Variants in OR51B5 observed in about 807,000 individuals in gnomAD.
The protein encoded by OR51B5 is olfactory receptor 51B5.
For synonymous variants in OR51B5, 186 were observed against 144.8 expected (o/e 1.28, Z -2.04); for missense variants, 456 against 374.6 (o/e 1.22, Z -1.79).
chr11:5,473,299 G>C (rs531753240), intron 1 of OR51B5, among the ~76,000 whole-genome samples: 1 of 152,274 alleles, frequency 6.6e-6, no homozygotes, highest in South Asian at 2.1e-4. Flanking sequence ...TGACTTTTAA[G>C]AAACTAATGT....
chr11:5,345,178 C>T (rs1245179284), upstream of OR51B5, among the ~76,000 whole-genome samples: 2 of 152,072 alleles, frequency 1.3e-5, no homozygotes, highest in African/African-American at 4.8e-5. Context: ...GACATTAGGA[C>T]ACTTTGAAAA....
At chr11:5,345,409 T>G (rs1471470231), upstream of OR51B5, among the ~76,000 whole-genome samples, 4 of 152,046 alleles carry the variant, frequency 2.6e-5, no homozygotes, top group African/African-American at 9.7e-5. Flanking sequence ...GACAGATGCA[T>G]TTTTGAAGTA....
intron 1 of OR51B5, among the ~76,000 whole-genome samples, chr11:5,484,740 A>C (rs1851476201): frequency 6.6e-6 from 1 of 152,240 alleles, no homozygotes; most frequent in Non-Finnish European, 1.5e-5. Flanking sequence ...GCCAGGAAGT[A>C]GCAAACCTGG....
At chr11:5,414,197 A>G (rs926441030) in intron 1 of OR51B5, among the ~76,000 whole-genome samples, 1 of 151,928 alleles carries the variant, frequency 6.6e-6, no homozygotes, top group South Asian at 2.1e-4. Context: ...TCATAAGTGA[A>G]GGAGAAATAA....
intron 1 of OR51B5, among the ~76,000 whole-genome samples, chr11:5,468,123 A>G (rs1851165443): frequency 1.3e-5 from 2 of 152,204 alleles, no homozygotes; most frequent in South Asian, 4.1e-4. Flanking sequence ...AGGTAACATA[A>G]TCTACATTAT....
chr11:5,359,515 C>T (rs1178713914), intron 1 of OR51B5, among the ~76,000 whole-genome samples: 1 of 131,592 alleles, frequency 7.6e-6, no homozygotes, highest in East Asian at 2.0e-4. Context: ...AATGGAAGAA[C>T]ATTCCATGCT....
chr11:5,362,233 G>A (rs936642379), intron 1 of OR51B5, among the ~76,000 whole-genome samples: 1 of 152,180 alleles, frequency 6.6e-6, no homozygotes, highest in Non-Finnish European at 1.5e-5. Context: ...CCGTGTTTCT[G>A]TCGGGGGATG....
At chr11:5,355,133 C>T (rs148035554) in intron 1 of OR51B5, 269 of 181,264 alleles carry the variant, frequency 1.5e-3, no homozygotes, top group African/African-American at 6.0e-3. Flanking sequence ...AGTGCCTGCC[C>T]ACCTCCATCG....
intron 1 of OR51B5, among the ~76,000 whole-genome samples, chr11:5,435,872 T>A (rs992121837): frequency 2.0e-5 from 3 of 152,202 alleles, no homozygotes; most frequent in Admixed American, 1.3e-4. Context: ...TTGTACAGAC[T>A]TTTTCTATTT....
chr11:5,371,513 A>G (rs963103066), intron 1 of OR51B5, among the ~76,000 whole-genome samples: 6 of 152,122 alleles, frequency 3.9e-5, no homozygotes, highest in Admixed American at 3.9e-4. Flanking sequence ...AGAAAAACAT[A>G]TATCTCATTA....
chr11:5,461,054 G>A (rs913747909), intron 1 of OR51B5, among the ~76,000 whole-genome samples: 5 of 152,294 alleles, frequency 3.3e-5, no homozygotes, highest in African/African-American at 4.8e-5. Context: ...ATTGCCCTAC[G>A]GCATGGTGGC....
At chr11:5,460,606 C>T (rs1590009910) in intron 1 of OR51B5, among the ~76,000 whole-genome samples, 1 of 89,130 alleles carries the variant, frequency 1.1e-5, no homozygotes, top group East Asian at 2.5e-4. Flanking sequence ...AGGTTAAGAA[C>T]CATTGCTGGG....
chr11:5,422,902 T>C, intron 1 of OR51B5: 6 of 1,614,146 alleles, frequency 3.7e-6, no homozygotes, highest in Non-Finnish European at 5.1e-6. Flanking sequence ...CCACCTGGGC[T>C]GAGCGACTCC....
chr11:5,377,141 C>G (rs1849540058), intron 1 of OR51B5, among the ~76,000 whole-genome samples: 1 of 152,066 alleles, frequency 6.6e-6, no homozygotes, highest in South Asian at 2.1e-4. Context: ...CCCTGGGATG[C>G]AAGGCTGGTT....
intron 1 of OR51B5, among the ~76,000 whole-genome samples, chr11:5,412,111 C>T (rs1459056738): frequency 6.6e-6 from 1 of 152,194 alleles, no homozygotes. Flanking sequence ...CCTTTCTCTC[C>T]TCCTCCTCAA....
intron 1 of OR51B5, among the ~76,000 whole-genome samples, chr11:5,464,727 A>C (rs1197517440): frequency 6.6e-6 from 1 of 152,122 alleles, no homozygotes; most frequent in African/African-American, 2.4e-5. Context: ...TGCTATTGTG[A>C]ATAATGCCAC....
upstream of OR51B5, among the ~76,000 whole-genome samples, chr11:5,345,212 A>G (rs144313841): frequency 7.8e-3 from 1,180 of 152,236 alleles, 11 homozygotes; most frequent in African/African-American, 0.023. Flanking sequence ...TAGTGTGGTG[A>G]TATATTCTGA....
intron 1 of OR51B5, among the ~76,000 whole-genome samples, chr11:5,367,301 C>A (rs1327423091): frequency 1.3e-5 from 2 of 152,126 alleles, no homozygotes; most frequent in African/African-American, 4.8e-5. Context: ...GGGGCAAATC[C>A]ATACAGAAAA....
chr11:5,433,222 G>C (rs1564811873), intron 1 of OR51B5, among the ~76,000 whole-genome samples: 3 of 152,204 alleles, frequency 2.0e-5, no homozygotes, highest in South Asian at 2.1e-4. Flanking sequence ...AGAGATACAA[G>C]ACTCCTTCAG....
Sources: gnomAD v4.1 joint callset for allele counts (sites outside exome capture counted in the v4.1 genomes callset) on GRCh38, gnomAD v4.1.1 for gene constraint, MANE v1.5 for transcripts, NCBI Gene and HGNC (gene_info 2026-07-23, HGNC 2026-07-21) for gene names.